The following MAGI2 variants were observed in gnomAD, a reference collection of about 807,000 sequenced individuals.
The protein encoded by MAGI2 is membrane-associated guanylate kinase, WW and PDZ domain-containing protein 2.
Under a neutral mutation model 133.3 loss-of-function variants are expected in MAGI2, and 35 were observed. That is an observed-to-expected ratio of 0.26 (90% CI 0.20 to 0.35). The LOEUF is 0.35. MAGI2 is among the 10% of genes least tolerant of loss of function. MAGI2 has a pLI of 1.00. For missense variants in MAGI2, 1,636 were observed against 1,863.4 expected, an observed-to-expected ratio of 0.88 and a Z score of 2.25; for synonymous variants, 729 against 710.6, an observed-to-expected ratio of 1.03 and a Z score of -0.41.
intron 2 of MAGI2, among the ~76,000 whole-genome samples, chr7:79,001,684 C>G (rs1371696732): frequency 6.6e-6 from 1 of 152,140 alleles, no homozygotes; most frequent in Non-Finnish European, 1.5e-5. Flanking sequence ...CCAAAATAAA[C>G]TCCATTTTTG....
chr7:78,500,753 A>C (rs1390978829), intron 5 of MAGI2, among the ~76,000 whole-genome samples: 1 of 152,206 alleles, frequency 6.6e-6, no homozygotes, highest in Non-Finnish European at 1.5e-5. Context: ...ATACAAAGCC[A>C]AATTATTTTA....
At chr7:78,627,713 ACT>A (rs1808520763) in intron 2 of MAGI2, among the ~76,000 whole-genome samples, 1 of 152,108 alleles carries the variant, frequency 6.6e-6, no homozygotes, top group South Asian at 2.1e-4. Flanking sequence ...TTTTGGGAGG[ACT>A]GTTTGTTGGT....
At chr7:78,328,947 A>T (rs1788885003) in intron 9 of MAGI2, among the ~76,000 whole-genome samples, 1 of 152,172 alleles carries the variant, frequency 6.6e-6, no homozygotes, top group Non-Finnish European at 1.5e-5. Flanking sequence ...TAGGTTATTA[A>T]CCTTGGCTTG....
At chr7:78,039,009 G>A (rs1053122989) in intron 21 of MAGI2, among the ~76,000 whole-genome samples, 2 of 152,158 alleles carry the variant, frequency 1.3e-5, no homozygotes, top group Non-Finnish European at 2.9e-5. Flanking sequence ...TGATTCTAAT[G>A]GGTGTCTAAT....
At chr7:79,078,079 T>C (rs540455688) in intron 1 of MAGI2, among the ~76,000 whole-genome samples, 1 of 152,326 alleles carries the variant, frequency 6.6e-6, no homozygotes, top group African/African-American at 2.4e-5. Context: ...TAAGACCTTA[T>C]CTATAAGTTC....
intron 2 of MAGI2, among the ~76,000 whole-genome samples, chr7:78,746,841 A>G (rs1311387797): frequency 6.6e-6 from 1 of 152,164 alleles, no homozygotes; most frequent in East Asian, 1.9e-4. Context: ...CACTTTCACT[A>G]AGGAAAAATA....
chr7:78,468,819 G>A (rs1790904622), intron 6 of MAGI2, among the ~76,000 whole-genome samples: 1 of 152,162 alleles, frequency 6.6e-6, no homozygotes, highest in South Asian at 2.1e-4. Context: ...TAATAAATCT[G>A]ATTGAGGTAG....
At chr7:78,553,506 A>C (rs1799536790) in intron 3 of MAGI2, among the ~76,000 whole-genome samples, 1 of 152,234 alleles carries the variant, frequency 6.6e-6, no homozygotes. Flanking sequence ...GAAGACTTGC[A>C]CTTATACAAA....
intron 1 of MAGI2, among the ~76,000 whole-genome samples, chr7:79,168,465 C>T (rs572271687): frequency 6.6e-6 from 1 of 152,200 alleles, no homozygotes; most frequent in South Asian, 2.1e-4. Context: ...TTATACAGTA[C>T]ATATTCATAT....
At chr7:78,934,880 A>C (rs1415330717) in intron 2 of MAGI2, among the ~76,000 whole-genome samples, 1 of 152,168 alleles carries the variant, frequency 6.6e-6, no homozygotes, top group Non-Finnish European at 1.5e-5. Context: ...ATTTTTATGC[A>C]GGTATATTAA....
chr7:78,153,175 T>G (rs980487579), intron 16 of MAGI2, among the ~76,000 whole-genome samples: 4 of 152,182 alleles, frequency 2.6e-5, no homozygotes, highest in African/African-American at 9.7e-5. Flanking sequence ...AGGCAATCAA[T>G]GAACAAACCT....
chr7:78,618,596 T>C (rs947123716), intron 3 of MAGI2: 1 of 151,904 alleles, frequency 6.6e-6, no homozygotes, highest in Admixed American at 6.6e-5. Context: ...ATTTTTGACG[T>C]GTTTCAGATT....
At chr7:78,873,741 T>C (rs1795210609) in intron 2 of MAGI2, among the ~76,000 whole-genome samples, 1 of 152,162 alleles carries the variant, frequency 6.6e-6, no homozygotes, top group Admixed American at 6.5e-5. Flanking sequence ...ATGAAACCTG[T>C]CCCTGGTACC....
At chr7:78,998,296 A>C (rs1317698111) in intron 2 of MAGI2, among the ~76,000 whole-genome samples, 1 of 152,208 alleles carries the variant, frequency 6.6e-6, no homozygotes, top group East Asian at 1.9e-4. Context: ...CCATACTCAG[A>C]ATAATTTAAG....
chr7:79,223,210 C>G (rs1830594695), intron 1 of MAGI2, among the ~76,000 whole-genome samples: 3 of 151,822 alleles, frequency 2.0e-5, no homozygotes, highest in African/African-American at 4.8e-5. Flanking sequence ...TCATTAAAAA[C>G]AGACGAAGGC....
intron 1 of MAGI2, among the ~76,000 whole-genome samples, chr7:79,056,372 G>T (rs1296404676): frequency 6.6e-6 from 1 of 152,098 alleles, no homozygotes; most frequent in Non-Finnish European, 1.5e-5. Flanking sequence ...AAAAAATCAC[G>T]TATAGTTATT....
chr7:78,454,388 C>T (rs1276992798), intron 6 of MAGI2, among the ~76,000 whole-genome samples: 1 of 152,120 alleles, frequency 6.6e-6, no homozygotes, highest in Non-Finnish European at 1.5e-5. Context: ...AGTACCACTA[C>T]ACAGCTATTA....
intron 1 of MAGI2, among the ~76,000 whole-genome samples, chr7:79,079,943 T>G (rs1389642128): frequency 6.6e-6 from 1 of 152,128 alleles, no homozygotes; most frequent in Non-Finnish European, 1.5e-5. Flanking sequence ...AGTGAGGTAC[T>G]AACATAATTA....
chr7:78,392,715 C>A (rs1796006279), intron 6 of MAGI2, among the ~76,000 whole-genome samples: 1 of 152,168 alleles, frequency 6.6e-6, no homozygotes. Context: ...GCAATCTTGG[C>A]TCACTGCAAC....
Sources: allele counts gnomAD v4.1 joint callset (sites outside exome capture counted in the v4.1 genomes callset), GRCh38; gene constraint gnomAD v4.1.1; transcripts MANE v1.5; gene names NCBI Gene and HGNC (gene_info 2026-07-23, HGNC 2026-07-21).